Variants in SLC25A40 observed in about 807,000 individuals in gnomAD.
The protein encoded by SLC25A40 is solute carrier family 25 member 40, also known as mitochondrial glutathione transporter SLC25A40.
SLC25A40 carries 41 observed loss-of-function variants against 46.5 expected under a neutral mutation model. That is an observed-to-expected ratio of 0.88 (90% CI 0.69 to 1.14). The LOEUF is 1.14. SLC25A40 is among the 50% of genes most tolerant of loss of function. The probability of loss-of-function intolerance (pLI) is 0.00; values close to 1 mark genes in which losing one functional copy is unlikely to be tolerated. For synonymous variants in SLC25A40, 126 were observed against 127.5 expected, an observed-to-expected ratio of 0.99 and a Z score of 0.08; for missense variants, 386 against 393.6, an observed-to-expected ratio of 0.98 and a Z score of 0.16.
At chr7:87,836,881 G>A in intron 10 of SLC25A40, 71 bp from the exon 11 acceptor site, 2 of 925,664 alleles carry the variant, frequency 2.2e-6, no homozygotes, top group South Asian at 1.9e-5. Flanking sequence ...AGATAACATA[G>A]TGTCCATGGC....
chr7:87,864,220 T>C (rs1292738155), intron 1 of SLC25A40, among the ~76,000 whole-genome samples: 1 of 152,232 alleles, frequency 6.6e-6, no homozygotes, highest in Non-Finnish European at 1.5e-5. Context: ...TTTAAAAATT[T>C]AATTGATATG....
rs916274166 is a variant in SLC25A40 at position 87,833,577 on chromosome 7, T to C, written c.*2672A>G. On this transcript the variant is annotated 3_prime_UTR_variant, in exon 12 of 12. Coordinates refer to ENST00000341119, the MANE Select transcript of SLC25A40 (RefSeq NM_018843.4). ...GTTGACAGATTAAATATAAAAGCAGTAATATCTTTTATTTAAAAAGTTCAT... is the reference window on the plus strand; with the variant it reads ...GTTGACAGATTAAATATAAAAGCAGCAATATCTTTTATTTAAAAAGTTCAT... The C allele has an allele frequency of 2.0e-5, 3 of 151,886 alleles. No homozygotes were observed. Among genetic ancestry groups the C allele is most frequent in the Non-Finnish European group, 4.4e-5 (3 of 67,942 alleles). The allele number at this position is 151,886 out of a possible 1,614,324, so 9.4% of individuals were successfully genotyped here. A position where few individuals can be genotyped will look rare whatever the true frequency, so the allele number is the denominator to read the frequency against.
intron 1 of SLC25A40, among the ~76,000 whole-genome samples, chr7:87,861,739 C>T (rs752970825): frequency 1.2e-4 from 18 of 152,232 alleles, no homozygotes; most frequent in Non-Finnish European, 2.1e-4. Flanking sequence ...AAACGGCCCA[C>T]AGCACTTTAT....
Position 87,836,467 on chromosome 7 carries a change from A to G in SLC25A40, c.905-106T>C. 23 of 704,926 alleles carry G rather than the reference A, an allele frequency of 3.3e-5. 1 individual carries two copies. Among genetic ancestry groups the G allele is most frequent in the Non-Finnish European group, 4.5e-5 (21 of 463,908 alleles). The allele number at this position is 704,926 out of a possible 1,614,324, so 43.7% of individuals were successfully genotyped here. A position where few individuals can be genotyped will look rare whatever the true frequency, so the allele number is the denominator to read the frequency against. ...TGATAATTATCAAATTAAATGAAGT[A>G]ATATGTTCAAATCCATAAATTGGTA... On this transcript the variant is annotated intron_variant, in intron 11 of 11. Coordinates refer to ENST00000341119, the MANE Select transcript of SLC25A40 (RefSeq NM_018843.4).
At chr7:87,853,010 GT>G (rs2131007445) in intron 5 of SLC25A40, among the ~76,000 whole-genome samples, 1 of 152,244 alleles carries the variant, frequency 6.6e-6, no homozygotes, top group Admixed American at 6.5e-5. Context: ...AAATTAAAAA[GT>G]TTTACCCTGT....
intron 1 of SLC25A40, among the ~76,000 whole-genome samples, chr7:87,867,916 G>C (rs1584339033): frequency 6.6e-6 from 1 of 152,220 alleles, no homozygotes; most frequent in Non-Finnish European, 1.5e-5. Flanking sequence ...GAGAAGGATG[G>C]TTAGGCATTT....
chr7:87,855,625 T>A (rs1302243106), intron 4 of SLC25A40, among the ~76,000 whole-genome samples: 2 of 152,224 alleles, frequency 1.3e-5, no homozygotes, highest in Admixed American at 6.5e-5. Context: ...CTTTTCAGCA[T>A]CTTCCTACAA....
intron 1 of SLC25A40, among the ~76,000 whole-genome samples, chr7:87,867,245 G>A (rs1057201096): frequency 6.6e-6 from 1 of 152,090 alleles, no homozygotes; most frequent in Admixed American, 6.5e-5. Context: ...TTAAGATTTG[G>A]TCTTTTGAAG....
chr7:87,846,755 C>A (rs1838428082), intron 8 of SLC25A40, among the ~76,000 whole-genome samples, 194 bp downstream of exon 8: 1 of 151,318 alleles, frequency 6.6e-6, no homozygotes, highest in Non-Finnish European at 1.5e-5. Flanking sequence ...GAAAAAAAAA[C>A]AAGCTTGAAT....
chr7:87,868,082 C>A (rs1230314484), intron 1 of SLC25A40, among the ~76,000 whole-genome samples: 1 of 152,162 alleles, frequency 6.6e-6, no homozygotes, highest in Non-Finnish European at 1.5e-5. Context: ...CTGCCCTGAG[C>A]AATATTTCTA....
At chr7:87,849,245 T>C (rs1389252354) in intron 6 of SLC25A40, among the ~76,000 whole-genome samples, 1 of 152,192 alleles carries the variant, frequency 6.6e-6, no homozygotes, top group African/African-American at 2.4e-5. Context: ...AAACCTTATA[T>C]AACTTCAGGA....
chr7:87,840,404 C>T (rs1838314171), intron 10 of SLC25A40, among the ~76,000 whole-genome samples: 1 of 151,570 alleles, frequency 6.6e-6, no homozygotes, highest in African/African-American at 2.4e-5. Flanking sequence ...GATTAGTTAC[C>T]AACGTAAGTG....
chr7:87,860,761 TCTA>T (rs1415505184), intron 1 of SLC25A40, 121 bp from the exon 2 acceptor site: 3 of 152,212 alleles, frequency 2.0e-5, no homozygotes, highest in Admixed American at 1.3e-4. Flanking sequence ...TTAAATGCTT[TCTA>T]CTAATTGCTT....
At position 87,838,144 on chromosome 7, in the gene SLC25A40, C is replaced by A. The variant is rs77986674; in HGVS notation, c.824-1334G>T. Among the ~76,000 whole-genome samples, 471 of 151,552 alleles carry A rather than the reference C, an allele frequency of 3.1e-3. 6 individuals are homozygous for A. The East Asian group carries it at 0.049, about 16-fold the overall frequency. On this transcript the variant is annotated intron_variant, in intron 10 of 11. Transcript: ENST00000341119. Reference sequence around the variant, plus strand: ...AATAGCATAAGCATAAACATACTAACTACAGCAGCTCAACACTGATTACAA... The same window carrying A: ...AATAGCATAAGCATAAACATACTAAATACAGCAGCTCAACACTGATTACAA...
Position 87,843,773 on chromosome 7 carries a change from G to C in SLC25A40, c.722C>G (p.Ser241Ter). The C allele has an allele frequency of 4.4e-6, 7 of 1,608,420 alleles. No individual in the cohort carries two copies. Among genetic ancestry groups the C allele is most frequent in the Non-Finnish European group, 6.0e-6 (7 of 1,176,274 alleles). ...ACTTACAGAACCAGACAATGCCCCT[G>C]AAGTAAAGTTGATCATAAATGTTGG... ...YEPTFMINFT[S>*]GALSGSFAAV... The change falls in exon 9 of 12, where the codon TCA becomes TGA. Residue 241 changes from serine to a stop codon, truncating the protein, a stop_gained. Transcript: ENST00000341119. LOFTEE classifies it high-confidence loss of function.
At chr7:87,849,780 G>T in intron 6 of SLC25A40, 101 bp downstream of exon 6, 1 of 802,944 alleles carries the variant, frequency 1.2e-6, no homozygotes. Context: ...GAAAATGAAA[G>T]CATTCTAATA....
In SLC25A40 at chr7:87,872,746, G is replaced by C. The variant is rs372875858; in HGVS notation, c.-94+3350C>G. 4.8e-3 allele frequency among the ~76,000 whole-genome samples: 728 copies of C among 152,314 alleles called. 4 individuals are homozygous for C. Among genetic ancestry groups the C allele is most frequent in the Non-Finnish European group, 7.8e-3 (530 of 68,026 alleles). On this transcript the variant is annotated intron_variant, in intron 1 of 11. Transcript: ENST00000341119. Reference sequence around the variant, plus strand: ...GGAGGTCGAGGCTGGCGGATCATCTGAGGTCAGGAGTTCAAGACCAGCCTG... The same window carrying C: ...GGAGGTCGAGGCTGGCGGATCATCTCAGGTCAGGAGTTCAAGACCAGCCTG...
At chr7:87,856,717 GAT>G (rs1313446994) in intron 3 of SLC25A40, among the ~76,000 whole-genome samples, 1 of 152,094 alleles carries the variant, frequency 6.6e-6, no homozygotes, top group Non-Finnish European at 1.5e-5. Context: ...ATAGCCAAAT[GAT>G]ATTAGTCTTC....
intron 1 of SLC25A40, among the ~76,000 whole-genome samples, chr7:87,865,765 C>T (rs1012453642): frequency 6.6e-5 from 10 of 151,726 alleles, no homozygotes; most frequent in African/African-American, 2.4e-4. Flanking sequence ...CAGTGAGACT[C>T]CGTCTCGGGG....
Sources: gnomAD v4.1 joint callset for allele counts (sites outside exome capture counted in the v4.1 genomes callset) on GRCh38, gnomAD v4.1.1 for gene constraint, MANE v1.5 for transcripts, NCBI Gene and HGNC (gene_info 2026-07-23, HGNC 2026-07-21) for gene names.